PRDM11: variants seen among roughly 807,000 people sequenced by gnomAD.
The protein encoded by PRDM11 is PR/SET domain 11.
In PRDM11, 20 loss-of-function variants were observed where a neutral mutation model predicts 97.8. The ratio of observed to expected loss-of-function variants is 0.20; its 90% CI spans 0.14 to 0.30. The LOEUF is 0.30. Among genes scored for constraint, PRDM11 ranks in the 10% least tolerant of loss-of-function variants. PRDM11 has a pLI of 1.00. For missense variants in PRDM11, 1,139 were observed against 1,555.2 expected (o/e 0.73, Z 4.50); for synonymous variants, 599 against 637.7 (o/e 0.94, Z 0.91).
intron 4 of PRDM11, among the ~76,000 whole-genome samples, chr11:45,198,960 G>T (rs185093279): frequency 5.6e-4 from 86 of 152,270 alleles, no homozygotes; most frequent in African/African-American, 1.8e-3. Context: ...TTTCCAATCT[G>T]TAAAAGGAGG....
At position 45,208,581 on chromosome 11, in the gene PRDM11, G is replaced by C. The variant is rs111397715; in HGVS notation, c.554+3803G>C. 6.5e-3 allele frequency among the ~76,000 whole-genome samples: 993 copies of C among 152,278 alleles called. 13 individuals are homozygous for C. The highest frequency in any genetic ancestry group is 0.023 in the African/African-American group (940 of 41,564). ...GGACAGGGAGAATAAGGTGTGAAAGGTTGAACATGAACTGCCCTAGCTCTC... is the reference window on the plus strand; with the variant it reads ...GGACAGGGAGAATAAGGTGTGAAAGCTTGAACATGAACTGCCCTAGCTCTC... On this transcript the variant is annotated intron_variant, in intron 5 of 7. Coordinates refer to ENST00000683152, the MANE Select transcript of PRDM11 (RefSeq NM_001384648.1).
chr11:45,194,590 CTGTTTTTT>C lies in PRDM11; in HGVS notation c.487-10119_487-10112del, dbSNP rs1389849534. On this transcript the variant is annotated intron_variant, in intron 4 of 7. Coordinates refer to ENST00000683152, the MANE Select transcript of PRDM11 (RefSeq NM_001384648.1). The stretch of plus-strand genomic sequence containing the variant: ...AGTACTGTGGGATAGTTATTATCTT[CTGTTTTTT>C]TTTTTTTTTTTTTTTTTTGAGACGG... 5.6e-5 allele frequency among the ~76,000 whole-genome samples: 5 copies of C among 89,964 alleles called. 1 individual carries two copies. Among genetic ancestry groups the C allele is most frequent in the Admixed American group, 1.5e-4 (1 of 6,888 alleles). 59.0% of individuals were successfully genotyped at this position (89,964 alleles called of 152,430 possible). A position where few individuals can be genotyped will look rare whatever the true frequency, so the allele number is the denominator to read the frequency against.
At chr11:45,157,678 G>C (rs1191024628) in intron 1 of PRDM11, among the ~76,000 whole-genome samples, 2 of 152,254 alleles carry the variant, frequency 1.3e-5, no homozygotes, top group African/African-American at 4.8e-5. Context: ...CCTGGCTGAT[G>C]GGCAGGCAGC....
chr11:45,198,547 C>T (rs1853213644), intron 4 of PRDM11, among the ~76,000 whole-genome samples: 1 of 152,216 alleles, frequency 6.6e-6, no homozygotes, highest in South Asian at 2.1e-4. Flanking sequence ...TGGAAAGTTG[C>T]AAACAAATCA....
intron 1 of PRDM11, among the ~76,000 whole-genome samples, chr11:45,115,001 G>T (rs1301921340): frequency 1.3e-5 from 2 of 152,120 alleles, no homozygotes; most frequent in African/African-American, 4.8e-5. Flanking sequence ...AGATTTACAG[G>T]AAGGAATGAA....
chr11:45,179,846 C>A (rs1281660435), intron 1 of PRDM11, among the ~76,000 whole-genome samples: 2 of 152,370 alleles, frequency 1.3e-5, no homozygotes, highest in Middle Eastern at 3.4e-3. Flanking sequence ...GTCCAGTGCC[C>A]AGGCACCTAA....
In PRDM11 at chr11:45,228,092, C is replaced by A. The variant is rs1565354240; in HGVS notation, c.3467C>A (p.Ser1156Tyr). The A allele has an allele frequency of 6.5e-7, 1 of 1,533,654 alleles. No individual in the cohort carries two copies. The highest frequency in any genetic ancestry group is 8.7e-7 in the Non-Finnish European group (1 of 1,146,732). Reference protein sequence around the residue: ...ALSAEVLSRMSALEQKPALQT... With the variant: ...ALSAEVLSRMYALEQKPALQT... Reference sequence around the variant, plus strand: ...TCTGCAGAAGTCCTCAGTAGGATGTCTGCGCTGGAGCAGAAGCCAGCACTA... The same window carrying A: ...TCTGCAGAAGTCCTCAGTAGGATGTATGCGCTGGAGCAGAAGCCAGCACTA... The change falls in exon 8 of 8, where the codon TCT becomes TAT. Residue 1156 changes from serine (S) to tyrosine (Y), a missense_variant. By Grantham distance (144) the Ser-to-Tyr change is moderately radical (BLOSUM62 -2). Transcript: ENST00000683152.
At chr11:45,174,833 T>G (rs1219605329) in intron 1 of PRDM11, among the ~76,000 whole-genome samples, 1 of 152,214 alleles carries the variant, frequency 6.6e-6, no homozygotes, top group Non-Finnish European at 1.5e-5. Context: ...CCTTAAAATA[T>G]ATCCTCCCAG....
intron 1 of PRDM11, among the ~76,000 whole-genome samples, chr11:45,175,457 G>A (rs373537728): frequency 3.3e-5 from 5 of 152,150 alleles, no homozygotes; most frequent in African/African-American, 7.2e-5. Flanking sequence ...TATGTTGAAC[G>A]TGTGTTTTCA....
rs1359499883 is a variant in PRDM11 at position 45,126,477 on chromosome 11, G to A, written c.96+30576G>A. ...CATGGTTTTGCAGTGGCTGGTACCGGTTGTTCCTTTCCATGTTTAGTGCTT... is the reference window on the plus strand; with the variant it reads ...CATGGTTTTGCAGTGGCTGGTACCGATTGTTCCTTTCCATGTTTAGTGCTT... On this transcript the variant is annotated intron_variant, in intron 1 of 6. Coordinates refer to the PRDM11 transcript ENST00000530656. 2.6e-5 allele frequency among the ~76,000 whole-genome samples: 4 copies of A among 152,200 alleles called. No homozygotes were observed. The East Asian group carries it at 7.7e-4, about 29-fold the overall frequency.
At chr11:45,133,033 C>T (rs1181078258) in intron 1 of PRDM11, among the ~76,000 whole-genome samples, 1 of 152,228 alleles carries the variant, frequency 6.6e-6, no homozygotes, top group Non-Finnish European at 1.5e-5. Context: ...GGTGTTACCT[C>T]TCTGCTGTTA....
chr11:45,181,541 G>T (rs1178000456), intron 1 of PRDM11, among the ~76,000 whole-genome samples: 1 of 152,208 alleles, frequency 6.6e-6, no homozygotes, highest in Admixed American at 6.5e-5. Flanking sequence ...GGGGCTGGTG[G>T]CTCCAGTCGT....
rs1314686989 is a variant in PRDM11 at position 45,182,289 on chromosome 11, A to G, written c.163A>G (p.Lys55Glu). Residue 55 changes from lysine (K) to glutamate (E), a missense_variant, in exon 3 of 8, where the codon AAA becomes GAA. Physicochemically the swap from Lys to Glu is moderately conservative, Grantham distance 56. Coordinates refer to ENST00000683152, the MANE Select transcript of PRDM11 (RefSeq NM_001384648.1). ...DSSAMEVEPK[K>E]LKGKRDLIVP... ...CTCGGCCATGGAAGTTGAGCCCAAG[A>G]AACTGAAGGGGAAGCGCGACCTCAT... 6 of 1,614,032 alleles carry G rather than the reference A, an allele frequency of 3.7e-6. No individual in the cohort carries two copies. The South Asian group carries it at 5.5e-5, about 15-fold the overall frequency.
At chr11:45,210,870 C>T (rs747692063) in intron 5 of PRDM11, among the ~76,000 whole-genome samples, 3 of 152,136 alleles carry the variant, frequency 2.0e-5, no homozygotes, top group Non-Finnish European at 2.9e-5. Flanking sequence ...GGATTCCACC[C>T]CGTGATAAGA....
chr11:45,136,404 CA>C (rs1405788833), intron 1 of PRDM11, among the ~76,000 whole-genome samples: 2 of 152,030 alleles, frequency 1.3e-5, no homozygotes, highest in Non-Finnish European at 2.9e-5. Context: ...ACAAGCAGAA[CA>C]AAAAACACAA....
At chr11:45,192,989 G>A (rs532540861) in intron 4 of PRDM11, among the ~76,000 whole-genome samples, 2 of 152,152 alleles carry the variant, frequency 1.3e-5, no homozygotes, top group Admixed American at 1.3e-4. Context: ...TTTGGAGTTT[G>A]GAATGCCTGT....
intron 1 of PRDM11, among the ~76,000 whole-genome samples, chr11:45,168,698 T>C (rs1440884160): frequency 6.6e-6 from 1 of 152,174 alleles, no homozygotes; most frequent in East Asian, 1.9e-4. Context: ...GCTTCCTCAC[T>C]ACATCATGGG....
intron 1 of PRDM11, among the ~76,000 whole-genome samples, chr11:45,170,353 G>A (rs559116459): frequency 7.5e-4 from 112 of 149,440 alleles, no homozygotes; most frequent in African/African-American, 2.5e-3. Context: ...AAAAAAAAAA[G>A]AAAAAAATCC....
At chr11:45,169,350 A>G (rs1297221972) in intron 1 of PRDM11, among the ~76,000 whole-genome samples, 3 of 152,178 alleles carry the variant, frequency 2.0e-5, no homozygotes, top group African/African-American at 4.8e-5. Context: ...AGGAGCATCA[A>G]CTGTCACAGC....
Sources: allele counts gnomAD v4.1 joint callset (sites outside exome capture counted in the v4.1 genomes callset), GRCh38; gene constraint gnomAD v4.1.1; transcripts MANE v1.5; gene names NCBI Gene and HGNC (gene_info 2026-07-23, HGNC 2026-07-21).